Variants in BMP2K observed in about 807,000 individuals in gnomAD.
BMP2K encodes BMP-2-inducible protein kinase.
BMP2K carries 74 observed loss-of-function variants against 116.0 expected under a neutral mutation model. The observed-to-expected ratio is 0.64, with a 90% CI of 0.53 to 0.77. The LOEUF (loss-of-function observed/expected upper bound fraction) is 0.77, where lower values mean the gene tolerates loss of function less well. BMP2K is among the 30% of genes least tolerant of loss of function. BMP2K has a pLI of 0.00. For missense variants in BMP2K, 1,365 were observed against 1,403.6 expected (o/e 0.97, Z 0.44); for synonymous variants, 486 against 502.5 (o/e 0.97, Z 0.44).
intron 1 of BMP2K, among the ~76,000 whole-genome samples, chr4:78,802,805 A>T (rs1397959324): frequency 6.6e-6 from 1 of 151,234 alleles, no homozygotes; most frequent in Non-Finnish European, 1.5e-5. Flanking sequence ...TCTCTGCACC[A>T]TTATTATATA....
chr4:78,873,180 T>G (rs1413756296), intron 13 of BMP2K, among the ~76,000 whole-genome samples: 1 of 152,270 alleles, frequency 6.6e-6, no homozygotes, highest in Non-Finnish European at 1.5e-5. Context: ...TTAATTTTAC[T>G]GTTTACTCAT....
At chr4:78,798,886 A>G (rs1480641505) in intron 1 of BMP2K, among the ~76,000 whole-genome samples, 1 of 152,248 alleles carries the variant, frequency 6.6e-6, no homozygotes, top group African/African-American at 2.4e-5. Context: ...TTTTAAGACA[A>G]ACCTTGTTCT....
intron 15 of BMP2K, among the ~76,000 whole-genome samples, chr4:78,898,168 A>T (rs1157848450): frequency 6.6e-6 from 1 of 152,190 alleles, no homozygotes; most frequent in East Asian, 1.9e-4. Flanking sequence ...GTATTTGAGG[A>T]TGGCAGTATT....
At chr4:78,809,429 G>A (rs184879026) in intron 1 of BMP2K, among the ~76,000 whole-genome samples, 25 of 152,038 alleles carry the variant, frequency 1.6e-4, no homozygotes, top group Non-Finnish European at 3.1e-4. Flanking sequence ...CCAGGCTGGA[G>A]TGCAGTGATA....
intron 1 of BMP2K, among the ~76,000 whole-genome samples, chr4:78,795,381 G>A (rs1043484585): frequency 6.6e-6 from 1 of 152,134 alleles, no homozygotes; most frequent in African/African-American, 2.4e-5. Flanking sequence ...TTGGGTGAAG[G>A]GAACATTGAA....
In BMP2K at chr4:78,792,361, G is replaced by A. The variant is rs77680160; in HGVS notation, c.178+15640G>A. 9.7e-3 allele frequency among the ~76,000 whole-genome samples: 1,484 copies of A among 152,334 alleles called. 12 individuals carry two copies. Among genetic ancestry groups the A allele is most frequent in the Middle Eastern group, 0.02 (6 of 294 alleles). On this transcript the variant is annotated intron_variant, in intron 1 of 15. Coordinates refer to ENST00000502613, the MANE Select transcript of BMP2K (RefSeq NM_198892.2). The stretch of plus-strand genomic sequence containing the variant: ...AAGGAAGCAGTATCGTGTAATTGAG[G>A]AAGAGCACTTGGGTGATGGAGTTGT...
At chr4:78,852,870 T>C (rs1414697146) in intron 7 of BMP2K, among the ~76,000 whole-genome samples, 1 of 152,172 alleles carries the variant, frequency 6.6e-6, no homozygotes, top group Non-Finnish European at 1.5e-5. Context: ...TCCCAAAGTG[T>C]TGGGATTACA....
chr4:78,795,926 C>T (rs1466429652), intron 1 of BMP2K, among the ~76,000 whole-genome samples: 1 of 151,132 alleles, frequency 6.6e-6, no homozygotes, highest in African/African-American at 2.5e-5. Flanking sequence ...AATAGGAACA[C>T]TTTGACACTG....
chr4:78,886,386 C>G (rs1161535754), intron 14 of BMP2K, among the ~76,000 whole-genome samples: 2 of 152,184 alleles, frequency 1.3e-5, no homozygotes, highest in African/African-American at 4.8e-5. Flanking sequence ...TTCCTCAATT[C>G]CTGTTTCCCT....
chr4:78,899,085 C>G (rs994663005), intron 15 of BMP2K: 1 of 152,178 alleles, frequency 6.6e-6, no homozygotes, highest in Non-Finnish European at 1.5e-5. Context: ...CGGTGCTGAT[C>G]AGTAGTGGGA....
At chr4:78,854,396 C>A (rs899010649) in intron 7 of BMP2K, among the ~76,000 whole-genome samples, 1 of 152,052 alleles carries the variant, frequency 6.6e-6, no homozygotes, top group Non-Finnish European at 1.5e-5. Context: ...GCCACAGCCT[C>A]CTGAGTAGCT....
chr4:78,889,220 CA>C (rs71661191), intron 15 of BMP2K, among the ~76,000 whole-genome samples: 5,153 of 53,686 alleles, frequency 0.096, 49 homozygotes, highest in East Asian at 0.22. Flanking sequence ...GACTCTGTCT[CA>C]AAAAAAAAAA....
rs1735014410 is a variant in BMP2K at position 78,915,896 on chromosome 4, A to G, written c.*3863A>G. On this transcript the variant is annotated 3_prime_UTR_variant, in exon 16 of 16. Transcript: ENST00000502613. ...TTGTGATTGAAAAGTCATCTAATAGAAGCTGTATAGAAGCTACTTTTTAAT... is the reference window on the plus strand; with the variant it reads ...TTGTGATTGAAAAGTCATCTAATAGGAGCTGTATAGAAGCTACTTTTTAAT... 1 of 151,936 alleles carries G rather than the reference A, an allele frequency of 6.6e-6. No individual in the cohort carries two copies. Among genetic ancestry groups the G allele is most frequent in the Non-Finnish European group, 1.5e-5 (1 of 67,888 alleles). 9.4% of individuals were successfully genotyped at this position (151,936 alleles called of 1,614,324 possible).
intron 13 of BMP2K, among the ~76,000 whole-genome samples, chr4:78,877,748 A>G (rs1732698281): frequency 6.6e-6 from 1 of 152,246 alleles, no homozygotes; most frequent in Non-Finnish European, 1.5e-5. Flanking sequence ...TTGTATTGCT[A>G]TACTTTTATA....
At chr4:78,891,890 A>C (rs1205431433) in intron 15 of BMP2K, among the ~76,000 whole-genome samples, 2 of 152,202 alleles carry the variant, frequency 1.3e-5, no homozygotes, top group Non-Finnish European at 2.9e-5. Flanking sequence ...TACTGAGTCT[A>C]AAATGTGATG....
At chr4:78,839,114 C>G (rs181909779) in intron 3 of BMP2K, among the ~76,000 whole-genome samples, 1 of 152,150 alleles carries the variant, frequency 6.6e-6, no homozygotes, top group Non-Finnish European at 1.5e-5. Context: ...AAATAACTTT[C>G]GTTTATTATC....
In BMP2K at chr4:78,796,596, G is replaced by A. The variant is rs184114369; in HGVS notation, c.178+19875G>A. On this transcript the variant is annotated intron_variant, in intron 1 of 15. Coordinates refer to ENST00000502613, the MANE Select transcript of BMP2K (RefSeq NM_198892.2). ...CTGGTGGAAGAGGTGAGGTATTTTT[G>A]TACTTAATAGTTATAAGGCCACTTA... Among the ~76,000 whole-genome samples, 397 of 152,236 alleles carry A rather than the reference G, an allele frequency of 2.6e-3. 1 individual carries two copies. Among genetic ancestry groups the A allele is most frequent in the Non-Finnish European group, 4.5e-3 (305 of 67,998 alleles).
intron 2 of BMP2K, among the ~76,000 whole-genome samples, chr4:78,829,402 G>GTTTTTTTT (rs79345386): frequency 7.5e-6 from 1 of 133,856 alleles, no homozygotes; most frequent in Non-Finnish European, 1.7e-5. Context: ...ATAGTTTTTT[G>GTTTTTTTT]TTTTTTTTTT....
intron 9 of BMP2K, among the ~76,000 whole-genome samples, chr4:78,865,010 C>T (rs937941137): frequency 6.6e-6 from 1 of 152,114 alleles, no homozygotes; most frequent in African/African-American, 2.4e-5. Flanking sequence ...ATATACTTTC[C>T]ATTCTGTGTT....
Sources: allele counts gnomAD v4.1 joint callset (sites outside exome capture counted in the v4.1 genomes callset), GRCh38; gene constraint gnomAD v4.1.1; transcripts MANE v1.5; gene names NCBI Gene and HGNC (gene_info 2026-07-23, HGNC 2026-07-21).